Variants in CNTNAP2 observed in about 807,000 individuals in gnomAD.
The protein encoded by CNTNAP2 is contactin-associated protein-like 2.
Under a neutral mutation model 155.2 loss-of-function variants are expected in CNTNAP2, and 98 were observed. The observed-to-expected ratio is 0.63, with a 90% confidence interval of 0.54 to 0.75. The LOEUF (loss-of-function observed/expected upper bound fraction) is 0.75, where lower values mean the gene tolerates loss of function less well. Ranked by LOEUF, CNTNAP2 falls within the 30% of genes least tolerant of loss-of-function variation. The pLI is 0.00. For missense variants in CNTNAP2, 1,727 were observed against 1,688.1 expected, an observed-to-expected ratio of 1.02 and a Z score of -0.40; for synonymous variants, 651 against 631.2, an observed-to-expected ratio of 1.03 and a Z score of -0.47.
In CNTNAP2 at chr7:148,229,705, G is replaced by A; in HGVS notation, c.3307G>A (p.Asp1103Asn). 1 of 1,614,106 alleles carries A rather than the reference G, an allele frequency of 6.2e-7. No homozygotes were observed. The highest frequency in any genetic ancestry group is 8.5e-7 in the Non-Finnish European group (1 of 1,180,018). The stretch of plus-strand genomic sequence containing the variant: ...CCGAGAGCCATACAATATTGACGTA[G>A]ACCACAGGAACATGGCCAATGGACA... ...GTREPYNIDV[D>N]HRNMANGQPH... Residue 1103 changes from aspartate to asparagine, a missense_variant, in exon 20 of 24, where the codon GAC becomes AAC. Physicochemically the swap from Asp to Asn is conservative, Grantham distance 23. Coordinates refer to ENST00000361727, the MANE Select transcript of CNTNAP2 (RefSeq NM_014141.6).
intron 11 of CNTNAP2, among the ~76,000 whole-genome samples, chr7:147,491,428 C>A (rs747800095): frequency 1.3e-5 from 2 of 152,072 alleles, no homozygotes; most frequent in African/African-American, 4.8e-5. Context: ...CTTTCCATGG[C>A]CCTGTAGTTA....
chr7:146,895,315 C>T (rs1467481476), intron 3 of CNTNAP2, among the ~76,000 whole-genome samples: 9 of 148,128 alleles, frequency 6.1e-5, no homozygotes, highest in Admixed American at 2.7e-4. Context: ...CTTCCTTCCT[C>T]CGTCCTTCCC....
chr7:147,038,536 C>T (rs928738485), intron 3 of CNTNAP2, among the ~76,000 whole-genome samples: 2 of 152,120 alleles, frequency 1.3e-5, no homozygotes, highest in African/African-American at 2.4e-5. Context: ...CTCTGACTTC[C>T]ACTCCTTTGT....
At chr7:147,468,779 A>G (rs981182191) in intron 10 of CNTNAP2, among the ~76,000 whole-genome samples, 2 of 152,170 alleles carry the variant, frequency 1.3e-5, no homozygotes, top group African/African-American at 4.8e-5. Flanking sequence ...CTTAAAGATT[A>G]TGTAAGAAAG....
intron 1 of CNTNAP2, among the ~76,000 whole-genome samples, chr7:146,409,989 A>T (rs1206881121): frequency 6.6e-6 from 1 of 152,144 alleles, no homozygotes; most frequent in Non-Finnish European, 1.5e-5. Flanking sequence ...GATTACTTAG[A>T]ACACCCCTTA....
chr7:147,211,745 GA>G (rs1168237521), intron 8 of CNTNAP2, among the ~76,000 whole-genome samples: 1 of 151,714 alleles, frequency 6.6e-6, no homozygotes, highest in African/African-American at 2.4e-5. Flanking sequence ...CCAGCCTTGG[GA>G]AAAAAATTAT....
chr7:146,931,658 T>G (rs574801801), intron 3 of CNTNAP2, among the ~76,000 whole-genome samples: 1 of 150,668 alleles, frequency 6.6e-6, no homozygotes, highest in South Asian at 2.1e-4. Flanking sequence ...ACTGGTTTTT[T>G]GAAAGGATCA....
chr7:146,790,966 A>T (rs185143506), intron 2 of CNTNAP2, among the ~76,000 whole-genome samples: 23 of 151,952 alleles, frequency 1.5e-4, no homozygotes, highest in African/African-American at 5.6e-4. Flanking sequence ...ACACGTGTGG[A>T]ATGTGCAGGT....
intron 1 of CNTNAP2, among the ~76,000 whole-genome samples, chr7:146,515,433 T>C (rs1327411982): frequency 3.3e-5 from 5 of 152,128 alleles, no homozygotes; most frequent in African/African-American, 1.2e-4. Flanking sequence ...TTATCATTTG[T>C]TTGTGGCCCT....
chr7:146,610,185 C>T lies in CNTNAP2; in HGVS notation c.98-164086C>T, dbSNP rs148498346. Among the ~76,000 whole-genome samples, 90 of 152,284 alleles carry T rather than the reference C, an allele frequency of 5.9e-4. 1 individual carries two copies. The East Asian group carries it at 0.017, about 28-fold the overall frequency. On this transcript the variant is annotated intron_variant, in intron 1 of 23. Coordinates refer to ENST00000361727, the MANE Select transcript of CNTNAP2 (RefSeq NM_014141.6). ...AGGTGGTACTTGGTAAATTTACAAA[C>T]ATGTAAACCTGTGGGATTTGCCTAG... is the stretch of plus-strand genomic sequence containing the variant.
intron 13 of CNTNAP2, among the ~76,000 whole-genome samples, chr7:147,803,688 T>A (rs1798043155): frequency 6.6e-6 from 1 of 152,218 alleles, no homozygotes; most frequent in Admixed American, 6.5e-5. Flanking sequence ...CCACTCCATT[T>A]AACTCCCACT....
At chr7:146,664,990 C>T (rs1451192176) in intron 1 of CNTNAP2, among the ~76,000 whole-genome samples, 1 of 152,116 alleles carries the variant, frequency 6.6e-6, no homozygotes, top group Non-Finnish European at 1.5e-5. Flanking sequence ...CTTGCTCTCG[C>T]CCAGCTGGAG....
At chr7:148,222,400 G>T (rs1360869580) in intron 19 of CNTNAP2, among the ~76,000 whole-genome samples, 2 of 152,214 alleles carry the variant, frequency 1.3e-5, no homozygotes, top group Non-Finnish European at 2.9e-5. Flanking sequence ...ACATGGCGAG[G>T]TTAAGCTGCC....
intron 1 of CNTNAP2, among the ~76,000 whole-genome samples, chr7:146,754,985 A>AT (rs1801970427): frequency 6.6e-6 from 1 of 151,880 alleles, no homozygotes; most frequent in African/African-American, 2.4e-5. Flanking sequence ...TTTTAAAGAC[A>AT]TTTTTGCCTC....
chr7:147,309,010 A>G (rs2116790311), intron 9 of CNTNAP2, among the ~76,000 whole-genome samples: 1 of 152,344 alleles, frequency 6.6e-6, no homozygotes, highest in African/African-American at 2.4e-5. Flanking sequence ...CTTTAAAAAT[A>G]TTGATTCACA....
chr7:146,474,327 A>G (rs915015559), intron 1 of CNTNAP2, among the ~76,000 whole-genome samples: 1 of 149,772 alleles, frequency 6.7e-6, no homozygotes, highest in Non-Finnish European at 1.5e-5. Flanking sequence ...TCCCCAAAAC[A>G]TATACTTACC....
At chr7:146,721,857 A>ATGTGTGTG (rs1280136237) in intron 1 of CNTNAP2, among the ~76,000 whole-genome samples, 1 of 99,670 alleles carries the variant, frequency 1.0e-5, no homozygotes, top group African/African-American at 9.2e-5. Context: ...TTCTACATTT[A>ATGTGTGTG]TATGTGTGTG....
intron 1 of CNTNAP2, among the ~76,000 whole-genome samples, chr7:146,191,889 T>C (rs1798711198): frequency 6.6e-6 from 1 of 152,146 alleles, no homozygotes; most frequent in African/African-American, 2.4e-5. Context: ...ACGAACAATT[T>C]GTGCAGTTAA....
chr7:147,189,886 A>C lies in CNTNAP2; in HGVS notation c.1348+57377A>C, dbSNP rs561883486. On this transcript the variant is annotated intron_variant, in intron 8 of 23. Coordinates refer to ENST00000361727, the MANE Select transcript of CNTNAP2 (RefSeq NM_014141.6). ...CAGCCTCCCGAGTAGCTGGGACTAC[A>C]GGTGCCCGCCACCACGCCCGGCTAA... Among the ~76,000 whole-genome samples, 12 of 152,146 alleles carry C rather than the reference A, an allele frequency of 7.9e-5. No individual in the cohort carries two copies. The East Asian group carries it at 2.1e-3, about 27-fold the overall frequency.
Sources: gnomAD v4.1 joint callset for allele counts (sites outside exome capture counted in the v4.1 genomes callset) on GRCh38, gnomAD v4.1.1 for gene constraint, MANE v1.5 for transcripts, NCBI Gene and HGNC (gene_info 2026-07-23, HGNC 2026-07-21) for gene names.